ASTN1: variants seen among roughly 807,000 people sequenced by gnomAD.
The protein encoded by ASTN1 is astrotactin 1, also known as astrotactin-1.
In ASTN1, 41 loss-of-function variants were observed where a neutral mutation model predicts 140.7. The ratio of observed to expected loss-of-function variants is 0.29; its 90% confidence interval spans 0.23 to 0.38. The LOEUF (loss-of-function observed/expected upper bound fraction) is 0.38. Among genes scored for constraint, ASTN1 ranks in the 10% least tolerant of loss-of-function variants. ASTN1 has a pLI of 1.00. For missense variants in ASTN1, 1,479 were observed against 1,678.8 expected (o/e 0.88, Z 2.08); for synonymous variants, 640 against 652.2 (o/e 0.98, Z 0.29).
chr1:176,902,812 G>C (rs1669826433), intron 16 of ASTN1, among the ~76,000 whole-genome samples: 2 of 152,134 alleles, frequency 1.3e-5, no homozygotes, highest in Admixed American at 1.3e-4. Flanking sequence ...AAAAAATAAA[G>C]AACAAATTGC....
At chr1:176,920,879 A>G (rs1670695494) in intron 16 of ASTN1, among the ~76,000 whole-genome samples, 1 of 152,226 alleles carries the variant, frequency 6.6e-6, no homozygotes, top group South Asian at 2.1e-4. Flanking sequence ...ATTGCAAAGG[A>G]ATTCATAGAT....
chr1:177,150,110 G>A (rs961267646), intron 1 of ASTN1, among the ~76,000 whole-genome samples: 1 of 151,916 alleles, frequency 6.6e-6, no homozygotes, highest in Non-Finnish European at 1.5e-5. Flanking sequence ...GTATGAAATT[G>A]GAGATAATAT....
Position 176,979,654 on chromosome 1 carries a change from C to A in ASTN1, c.1524-14417G>T, listed in dbSNP as rs764425851. On this transcript the variant is annotated intron_variant, in intron 8 of 22. Transcript: ENST00000361833. ...TTCTTGTCACTGTATTAGCAGCATG[C>A]GGCAGAGTTCAAAACACAGCAAAGC... Among the ~76,000 whole-genome samples the A allele has an allele frequency of 3.3e-5, 5 of 152,064 alleles. No homozygotes were observed. In the East Asian group the frequency reaches 9.6e-4, roughly 29 times the overall value.
chr1:177,025,841 T>A (rs1409240526), intron 5 of ASTN1, among the ~76,000 whole-genome samples: 1 of 152,200 alleles, frequency 6.6e-6, no homozygotes, highest in East Asian at 1.9e-4. Flanking sequence ...CAGGCTCCAG[T>A]GCTCAGGGTT....
At chr1:176,875,693 G>A (rs1251367196) in intron 21 of ASTN1, among the ~76,000 whole-genome samples, 1 of 152,136 alleles carries the variant, frequency 6.6e-6, no homozygotes, top group Non-Finnish European at 1.5e-5. Flanking sequence ...AATCAGACTG[G>A]ACACAATATT....
intron 11 of ASTN1, among the ~76,000 whole-genome samples, chr1:176,949,866 G>A (rs930936081): frequency 2.0e-5 from 3 of 152,202 alleles, no homozygotes; most frequent in Admixed American, 6.5e-5. Context: ...AGGAGGAAGT[G>A]AACATTCCCT....
Position 176,983,817 on chromosome 1 carries a change from G to A in ASTN1, c.1524-18580C>T, listed in dbSNP as rs112942395. On this transcript the variant is annotated intron_variant, in intron 8 of 22. Transcript: ENST00000361833. ...TCTCTCAAGCCTAGAATGTATTCGC[G>A]CTGACCTTGGACTTGGGCACAGTGG... is the stretch of plus-strand genomic sequence containing the variant. 2.0e-3 allele frequency among the ~76,000 whole-genome samples: 297 copies of A among 152,224 alleles called. 2 individuals are homozygous for A. The highest frequency in any genetic ancestry group is 2.5e-3 in the Non-Finnish European group (168 of 68,018).
intron 22 of ASTN1, among the ~76,000 whole-genome samples, chr1:176,868,045 ATTTTTAT>A (rs752668361): frequency 2.1e-5 from 3 of 144,862 alleles, no homozygotes; most frequent in Non-Finnish European, 4.6e-5. Context: ...CTCTTCCCCT[ATTTTTAT>A]TTTTTCTTCA....
chr1:177,070,487 T>C (rs1379309792), intron 1 of ASTN1, among the ~76,000 whole-genome samples: 1 of 152,210 alleles, frequency 6.6e-6, no homozygotes, highest in African/African-American at 2.4e-5. Context: ...GCCTGTTGCC[T>C]GTCCTAAACT....
chr1:176,900,834 C>A (rs1023685936), intron 16 of ASTN1, among the ~76,000 whole-genome samples: 2 of 152,192 alleles, frequency 1.3e-5, no homozygotes, highest in Admixed American at 6.6e-5. Context: ...CACTTACCTG[C>A]CCTGCTCACC....
chr1:177,151,641 T>C (rs376267345), intron 1 of ASTN1, among the ~76,000 whole-genome samples: 220 of 152,264 alleles, frequency 1.4e-3, no homozygotes, highest in African/African-American at 5.0e-3. Context: ...AATTGTTGCC[T>C]GAGAGAGAAT....
intron 16 of ASTN1, among the ~76,000 whole-genome samples, chr1:176,924,857 G>A (rs1670888536): frequency 6.6e-6 from 1 of 152,058 alleles, no homozygotes; most frequent in East Asian, 1.9e-4. Context: ...ATACTATCCA[G>A]GTTAGGATGC....
chr1:176,928,922 T>C (rs902137751), intron 16 of ASTN1, among the ~76,000 whole-genome samples: 5 of 151,954 alleles, frequency 3.3e-5, no homozygotes, highest in Non-Finnish European at 7.4e-5. Flanking sequence ...GAGTTTCAAG[T>C]GGAGGACAAG....
At chr1:177,087,593 C>G (rs1558086084) in intron 1 of ASTN1, among the ~76,000 whole-genome samples, 1 of 152,168 alleles carries the variant, frequency 6.6e-6, no homozygotes, top group Non-Finnish European at 1.5e-5. Context: ...CCTAGGTTTA[C>G]AAGAAATACT....
At chr1:177,161,234 T>C (rs1381376864) in intron 1 of ASTN1, among the ~76,000 whole-genome samples, 5 of 152,170 alleles carry the variant, frequency 3.3e-5, no homozygotes, top group Non-Finnish European at 7.3e-5. Flanking sequence ...CATGCCACTC[T>C]ACAGAGCCAG....
In ASTN1 at chr1:176,909,920, G is replaced by A. The variant is rs186783510; in HGVS notation, c.2672-15090C>T. On this transcript the variant is annotated intron_variant, in intron 16 of 22. Coordinates refer to ENST00000361833, the MANE Select transcript of ASTN1 (RefSeq NM_004319.3). ...GAACTCTATTTCCAAGGCTTGTAGC[G>A]ATATAGGATTTTGTATTTAATTTTT... Among the ~76,000 whole-genome samples, 64 of 152,238 alleles carry A rather than the reference G, an allele frequency of 4.2e-4. 1 individual carries two copies. Among genetic ancestry groups the A allele is most frequent in the Middle Eastern group, 6.8e-3 (2 of 294 alleles).
At chr1:177,091,970 T>C (rs1679776830) in intron 1 of ASTN1, among the ~76,000 whole-genome samples, 1 of 152,182 alleles carries the variant, frequency 6.6e-6, no homozygotes, top group African/African-American at 2.4e-5. Context: ...ATTTTATGTA[T>C]ACTTTTTTTG....
At chr1:177,140,802 T>C (rs1682432740) in intron 1 of ASTN1, among the ~76,000 whole-genome samples, 1 of 152,242 alleles carries the variant, frequency 6.6e-6, no homozygotes, top group African/African-American at 2.4e-5. Context: ...GTCCTCTAGT[T>C]AAGAGCAGAG....
intron 16 of ASTN1, among the ~76,000 whole-genome samples, chr1:176,920,322 C>A (rs1670673256): frequency 6.6e-6 from 1 of 152,154 alleles, no homozygotes; most frequent in Admixed American, 6.5e-5. Flanking sequence ...CCTCAGTGGG[C>A]AGCCAATGGA....
Sources: gnomAD v4.1 joint callset for allele counts (sites outside exome capture counted in the v4.1 genomes callset) on GRCh38, gnomAD v4.1.1 for gene constraint, MANE v1.5 for transcripts, NCBI Gene and HGNC (gene_info 2026-07-23, HGNC 2026-07-21) for gene names.